The following HTR3C variants were observed in gnomAD, a reference collection of about 807,000 sequenced individuals.
HTR3C encodes the protein 5-HT3-C.
A neutral mutation model predicts 40.5 loss-of-function variants in HTR3C; 32 were observed. The observed-to-expected ratio is 0.79, with a 90% confidence interval of 0.60 to 1.06. The LOEUF (loss-of-function observed/expected upper bound fraction) is 1.06, where lower values mean the gene tolerates loss of function less well. HTR3C is among the 50% of genes least tolerant of loss of function. HTR3C has a pLI of 0.00. For missense variants in HTR3C, 523 were observed against 556.8 expected (o/e 0.94, Z 0.61); for synonymous variants, 209 against 217.1 (o/e 0.96, Z 0.33).
intron 6 of HTR3C, 63 bp downstream of exon 6, chr3:184,058,650 T>G: frequency 1.3e-6 from 2 of 1,551,694 alleles, no homozygotes; most frequent in Non-Finnish European, 1.7e-6. Context: ...CCTCTTGACC[T>G]ATGGCTCTTT....
chr3:184,056,479 G>A (rs531866788), intron 4 of HTR3C, among the ~76,000 whole-genome samples, 193 bp downstream of exon 4: 30 of 152,262 alleles, frequency 2.0e-4, no homozygotes, highest in Non-Finnish European at 3.8e-4. Flanking sequence ...AGGCGCGGTG[G>A]CTCACGCCTG....
intron 2 of HTR3C, 118 bp from the exon 3 acceptor site, chr3:184,055,194 A>G: frequency 1.3e-6 from 1 of 764,516 alleles, no homozygotes; most frequent in East Asian, 2.6e-5. Flanking sequence ...GGAAAAGACA[A>G]TTCAGCATCT....
At position 184,054,776 on chromosome 3, in the gene HTR3C, C is replaced by A. The variant is rs1443689092; in HGVS notation, c.123C>A (p.Asp41Glu). 6 of 1,613,638 alleles carry A rather than the reference C, an allele frequency of 3.7e-6. No homozygotes were observed. The highest frequency in any genetic ancestry group is 3.3e-5 in the Admixed American group (2 of 59,948). ...CAGGCTTTGACCAGCATGGGGTTGA[C>A]CCTGCTGTCTTCCAAGCAGTGTTTG... ...NCSGFDQHGVDPAVFQAVFDR... is the reference protein window; with the variant it reads ...NCSGFDQHGVEPAVFQAVFDR... The change falls in exon 2 of 9, where the codon GAC becomes GAA. Residue 41 changes from aspartate (D) to glutamate (E), a missense_variant. Coordinates refer to ENST00000318351, the MANE Select transcript of HTR3C (RefSeq NM_130770.3).
chr3:184,056,389 C>T (rs1332172776), intron 4 of HTR3C, 103 bp downstream of exon 4: 1 of 768,708 alleles, frequency 1.3e-6, no homozygotes, highest in Non-Finnish European at 2.3e-6. Context: ...GACAGGCACA[C>T]AGTCTCAACG....
chr3:184,057,845 G>A (rs1160557494), intron 5 of HTR3C, among the ~76,000 whole-genome samples: 1 of 152,208 alleles, frequency 6.6e-6, no homozygotes, highest in Non-Finnish European at 1.5e-5. Context: ...TGATGCTAAC[G>A]TGCAGACGGG....
At chr3:184,058,275 G>A in intron 5 of HTR3C, 152 bp from the exon 6 acceptor site, 2 of 649,834 alleles carry the variant, frequency 3.1e-6, no homozygotes, top group East Asian at 3.3e-5. Flanking sequence ...TGAATTGCTA[G>A]TCGGGTAACC....
chr3:184,054,613 G>T (rs1723284313), intron 1 of HTR3C, 108 bp from the exon 2 acceptor site: 1 of 942,040 alleles, frequency 1.1e-6, no homozygotes, highest in Non-Finnish European at 1.5e-6. Context: ...GCATGGGAAG[G>T]AGGGGCTCAC....
In HTR3C at chr3:184,059,633, C is replaced by G. The variant is rs1320576863; in HGVS notation, c.918C>G (p.Pro306=). 2 of 1,614,148 alleles carry G rather than the reference C, an allele frequency of 1.2e-6. No homozygotes were observed. Among genetic ancestry groups the G allele is most frequent in the South Asian group, 1.1e-5 (1 of 91,076 alleles). Residue 306 remains proline, a synonymous_variant, in exon 7 of 9, where the codon CCC becomes CCG. Coordinates refer to ENST00000318351, the MANE Select transcript of HTR3C (RefSeq NM_130770.3). ...MNDLLPASGT[P]LISVYFALCL... Reference sequence around the variant, plus strand: ...ACTTGCTCCCTGCCAGTGGCACCCCCCTCATCAGTATGGCTCCTCCCACTT... The same window carrying G: ...ACTTGCTCCCTGCCAGTGGCACCCCGCTCATCAGTATGGCTCCTCCCACTT...
chr3:184,054,934 G>A (rs1269731476), intron 2 of HTR3C, 47 bp downstream of exon 2: 4 of 1,550,150 alleles, frequency 2.6e-6, no homozygotes, highest in Non-Finnish European at 2.6e-6. Context: ...AATAAGGAAC[G>A]AGGACCCTCT....
chr3:184,058,199 A>G (rs1179493157), intron 5 of HTR3C, among the ~76,000 whole-genome samples: 1 of 152,236 alleles, frequency 6.6e-6, no homozygotes, highest in Non-Finnish European at 1.5e-5. Context: ...CAATATTCCC[A>G]TAACGAACTT....
chr3:184,056,422 C>A, intron 4 of HTR3C, 136 bp downstream of exon 4: 3 of 661,804 alleles, frequency 4.5e-6, no homozygotes, highest in Non-Finnish European at 8.1e-6. Flanking sequence ...CACATCACTA[C>A]GAGTAGAAGA....
rs1723424699 is a variant in HTR3C, at chr3:184,060,399, G to C, written c.*47G>C. On this transcript the variant is annotated 3_prime_UTR_variant, in exon 9 of 9. Coordinates refer to ENST00000318351, the MANE Select transcript of HTR3C (RefSeq NM_130770.3). ...CAAACAACAGCTTGGAGTTTCTGCT[G>C]GTCTTGGGCCAGCCGGACTCATTTT... The C allele has an allele frequency of 1.2e-6, 2 of 1,610,892 alleles. No homozygotes were observed. Among genetic ancestry groups the C allele is most frequent in the South Asian group, 2.2e-5 (2 of 91,012 alleles).
intron 1 of HTR3C, among the ~76,000 whole-genome samples, 163 bp from the exon 2 acceptor site, chr3:184,054,558 A>G (rs909422576): frequency 4.6e-5 from 7 of 152,224 alleles, no homozygotes; most frequent in East Asian, 1.9e-4. Context: ...CCATTTGCCT[A>G]CCAGCCCAGC....
chr3:184,056,984 T>G lies in HTR3C; in HGVS notation c.499T>G (p.Phe167Val), dbSNP rs779249577. 3.1e-6 allele frequency: 5 copies of G among 1,613,576 alleles called. No individual in the cohort carries two copies. The highest frequency in any genetic ancestry group is 1.7e-5 in the Admixed American group (1 of 60,004). Residue 167 changes from phenylalanine (F) to valine (V), a missense_variant, in exon 5 of 9, where the codon TTC (phenylalanine) becomes GTC (valine). By Grantham distance (50) the Phe-to-Val change is conservative. Coordinates refer to ENST00000318351, the MANE Select transcript of HTR3C (RefSeq NM_130770.3). ...GACCAGCATCTGTAACCTGGACATC[T>G]TCTACTTCCCTTTTGACCAACAGAA... ...RVTSICNLDI[F>V]YFPFDQQNCT...
intron 4 of HTR3C, 133 bp from the exon 5 acceptor site, chr3:184,056,742 G>A (rs1317249647): frequency 1.9e-5 from 15 of 799,482 alleles, no homozygotes; most frequent in African/African-American, 1.8e-4. Flanking sequence ...GAGTGAAACT[G>A]TCTCAAAAAC....
Position 184,056,832 on chromosome 3 carries a change from GA to G in HTR3C, c.390-42del, listed in dbSNP as rs753685579. The G allele has an allele frequency of 2.6e-6, 4 of 1,538,470 alleles. No homozygotes were observed. The East Asian group carries it at 6.9e-5, about 26-fold the overall frequency. ...GAGACCCCAGAAGGAAGGGAGACAA[GA>G]GCTGATTAAGCCTCCATCTCTTCCC... On this transcript the variant is annotated intron_variant, in intron 4 of 8. Transcript: ENST00000318351.
chr3:184,053,152 G>A lies in HTR3C; in HGVS notation c.67+5G>A, dbSNP rs373922144. ...CTGTCAGTCTTCTGCTTCAAGGTAA[G>A]ATGGGACGAGAACAGGGAAGACCAG... On this transcript the variant is annotated splice_donor_5th_base_variant and intron_variant, in intron 1 of 8. Coordinates refer to ENST00000318351, the MANE Select transcript of HTR3C (RefSeq NM_130770.3). The A allele has an allele frequency of 5.0e-5, 81 of 1,612,352 alleles. No homozygotes were observed. The highest frequency in any genetic ancestry group is 1.2e-4 in the African/African-American group (9 of 74,880).
At chr3:184,058,042 A>AT (rs1382523791) in intron 5 of HTR3C, among the ~76,000 whole-genome samples, 5 of 152,202 alleles carry the variant, frequency 3.3e-5, no homozygotes, top group Non-Finnish European at 7.3e-5. Context: ...TGGATAAACT[A>AT]AAACCATCAA....
intron 4 of HTR3C, 59 bp downstream of exon 4, chr3:184,056,345 G>T: frequency 8.7e-7 from 1 of 1,154,832 alleles, no homozygotes; most frequent in Admixed American, 1.7e-5. Flanking sequence ...ACAGCCTAGG[G>T]TCAGCACAGG....
Sources: allele counts gnomAD v4.1 joint callset (sites outside exome capture counted in the v4.1 genomes callset), GRCh38; gene constraint gnomAD v4.1.1; transcripts MANE v1.5; gene names NCBI Gene and HGNC (gene_info 2026-07-23, HGNC 2026-07-21).